The following BCL2L13 variants were observed in gnomAD, a reference collection of about 807,000 sequenced individuals.
The protein encoded by BCL2L13 is BCL2 like 13.
BCL2L13 carries 13 observed loss-of-function variants against 25.8 expected under a neutral mutation model. That is an observed-to-expected ratio of 0.50 (90% CI 0.33 to 0.80). BCL2L13 has a LOEUF of 0.80. Ranked by LOEUF, BCL2L13 falls within the 30% of genes least tolerant of loss-of-function variation. The pLI is 0.02. For synonymous variants in BCL2L13, 244 were observed against 230.3 expected (o/e 1.06, Z -0.54); for missense variants, 504 against 574.9 (o/e 0.88, Z 1.26).
At chr22:17,674,332 C>A (rs530574344) in intron 2 of BCL2L13, among the ~76,000 whole-genome samples, 1 of 152,020 alleles carries the variant, frequency 6.6e-6, no homozygotes, top group African/African-American at 2.4e-5. Context: ...GAGATAGGTT[C>A]TTGCTGGCGG....
At chr22:17,706,773 G>T (rs1341625120) in intron 6 of BCL2L13, 1 of 1,351,996 alleles carries the variant, frequency 7.4e-7, no homozygotes, top group Non-Finnish European at 9.8e-7. Flanking sequence ...GGCTTGTGTT[G>T]CTACGTTAGA....
intron 6 of BCL2L13, among the ~76,000 whole-genome samples, chr22:17,722,813 C>G (rs2061184033): frequency 6.6e-6 from 1 of 152,138 alleles, no homozygotes; most frequent in Admixed American, 6.5e-5. Flanking sequence ...CAATAGTTTT[C>G]CAATCTATGA....
At chr22:17,665,989 A>G (rs1266275055) in intron 2 of BCL2L13, among the ~76,000 whole-genome samples, 1 of 152,186 alleles carries the variant, frequency 6.6e-6, no homozygotes, top group African/African-American at 2.4e-5. Flanking sequence ...CAGGGAGCAC[A>G]GCTGCTGGGT....
intron 1 of BCL2L13, among the ~76,000 whole-genome samples, chr22:17,652,362 C>T (rs1297998087): frequency 2.6e-5 from 4 of 152,062 alleles, no homozygotes; most frequent in Admixed American, 2.0e-4. Flanking sequence ...TTTAAGTGTG[C>T]TTAAAACACA....
chr22:17,693,917 T>G (rs973020797), intron 4 of BCL2L13, among the ~76,000 whole-genome samples: 2 of 151,734 alleles, frequency 1.3e-5, no homozygotes, highest in African/African-American at 4.8e-5. Flanking sequence ...TTTGTATTTT[T>G]TTTTCTAATT....
At chr22:17,664,445 A>G (rs73376798) in intron 2 of BCL2L13, among the ~76,000 whole-genome samples, 8,059 of 151,944 alleles carry the variant, frequency 0.053, 355 homozygotes, top group African/African-American at 0.12. Flanking sequence ...ACAGACTGGC[A>G]TTGAGTGTCT....
intron 6 of BCL2L13, among the ~76,000 whole-genome samples, chr22:17,708,745 A>AT (rs2060658321): frequency 6.6e-6 from 1 of 152,168 alleles, no homozygotes; most frequent in Non-Finnish European, 1.5e-5. Flanking sequence ...TTTGCATTTT[A>AT]TGTCAGTGAA....
intron 6 of BCL2L13, among the ~76,000 whole-genome samples, chr22:17,705,713 CTT>C (rs1469469742): frequency 6.6e-6 from 1 of 152,146 alleles, no homozygotes; most frequent in Non-Finnish European, 1.5e-5. Context: ...TCTTAAAACC[CTT>C]CCAGAAGAGA....
upstream of BCL2L13, among the ~76,000 whole-genome samples, chr22:17,635,530 T>C (rs117157566): frequency 0.014 from 2,150 of 152,268 alleles, 20 homozygotes; most frequent in Non-Finnish European, 0.023. Context: ...TGTTGAAAAT[T>C]AGTTAACAAT....
At chr22:17,638,938 C>T (rs1209339591) in intron 1 of BCL2L13, 52 bp downstream of exon 1, 1 of 1,219,104 alleles carries the variant, frequency 8.2e-7, no homozygotes, top group Non-Finnish European at 1.0e-6. Context: ...AGGTGGTTTT[C>T]ACCTGGGTAG....
chr22:17,650,494 G>C (rs1291215445), intron 1 of BCL2L13, among the ~76,000 whole-genome samples: 1 of 152,006 alleles, frequency 6.6e-6, no homozygotes, highest in Admixed American at 6.6e-5. Flanking sequence ...TTGGCGGTGG[G>C]AGGCACGTTA....
chr22:17,675,402 C>G (rs551147950), intron 2 of BCL2L13, among the ~76,000 whole-genome samples: 10 of 152,020 alleles, frequency 6.6e-5, no homozygotes, highest in Non-Finnish European at 1.5e-4. Context: ...AAGTCTAAAA[C>G]GTGTAGGTGT....
chr22:17,684,989 C>A (rs2059878699), intron 3 of BCL2L13, among the ~76,000 whole-genome samples: 1 of 152,090 alleles, frequency 6.6e-6, no homozygotes, highest in African/African-American at 2.4e-5. Flanking sequence ...CCCGCCTTGG[C>A]CTCCCAAAGT....
At chr22:17,665,603 A>G (rs1049073017) in intron 2 of BCL2L13, among the ~76,000 whole-genome samples, 1 of 152,178 alleles carries the variant, frequency 6.6e-6, no homozygotes, top group African/African-American at 2.4e-5. Context: ...GATTATTACA[A>G]TTCAAGGTGA....
At chr22:17,632,079 T>C (rs184029843) in intron 1 of BCL2L13, among the ~76,000 whole-genome samples, 1 of 152,288 alleles carries the variant, frequency 6.6e-6, no homozygotes, top group Admixed American at 6.5e-5. Context: ...TTTGTACTAG[T>C]GTACAATGTT....
rs3044578 is a variant in BCL2L13 at position 17,629,818 on chromosome 22, TACACACAC to T, written c.-650+836_-650+843del. On this transcript the variant is annotated intron_variant, in intron 1 of 6. Transcript: ENST00000399782. ...CATGTACATTAACACTTTATTTTCATACACACACACACACACACACACACACACACTTC... is the reference window on the plus strand; with the variant it reads ...CATGTACATTAACACTTTATTTTCATACACACACACACACACACACACTTC... 1.2e-3 allele frequency among the ~76,000 whole-genome samples: 175 copies of T among 148,172 alleles called. No individual in the cohort carries two copies. In the Middle Eastern group the frequency reaches 0.014, roughly 12 times the overall value.
upstream of BCL2L13, chr22:17,638,070 C>T (rs2058143910): frequency 6.6e-6 from 1 of 152,192 alleles, no homozygotes; most frequent in Admixed American, 6.6e-5. Flanking sequence ...GCAATTTGAT[C>T]TCCCTAAAAC....
intron 6 of BCL2L13, among the ~76,000 whole-genome samples, chr22:17,710,897 A>G (rs113305232): frequency 5.3e-5 from 8 of 152,104 alleles, no homozygotes; most frequent in Non-Finnish European, 1.5e-5. Context: ...AAAATAAAAA[A>G]AAATAAATAA....
At chr22:17,708,298 C>A (rs934309360) in intron 6 of BCL2L13, among the ~76,000 whole-genome samples, 1 of 151,796 alleles carries the variant, frequency 6.6e-6, no homozygotes, top group Non-Finnish European at 1.5e-5. Flanking sequence ...AGAAAAGCAC[C>A]AGAAAGCAAT....
Sources: gnomAD v4.1 joint callset for allele counts (sites outside exome capture counted in the v4.1 genomes callset) on GRCh38, gnomAD v4.1.1 for gene constraint, MANE v1.5 for transcripts, NCBI Gene and HGNC (gene_info 2026-07-23, HGNC 2026-07-21) for gene names.